The following SNX29 variants were observed in gnomAD, a reference collection of about 807,000 sequenced individuals.
SNX29 encodes sorting nexin 29.
In SNX29, 78 loss-of-function variants were observed where a neutral mutation model predicts 102.1. That is an observed-to-expected ratio of 0.76 (90% confidence interval 0.64 to 0.92). The LOEUF is 0.92. SNX29 is among the 40% of genes least tolerant of loss of function. The probability of loss-of-function intolerance (pLI) is 0.00; values close to 1 mark genes in which losing one functional copy is unlikely to be tolerated. For synonymous variants in SNX29, 580 were observed against 414.5 expected (o/e 1.40, Z -4.85); for missense variants, 1,280 against 1,061.7 (o/e 1.21, Z -2.86).
intron 15 of SNX29, among the ~76,000 whole-genome samples, chr16:12,317,117 A>G (rs1422146890): frequency 6.6e-6 from 1 of 152,122 alleles, no homozygotes; most frequent in African/African-American, 2.4e-5. Flanking sequence ...TTCTCTTTCC[A>G]CTTTCCTATT....
Position 12,048,378 on chromosome 16 carries a change from A to C in SNX29, c.506A>C (p.Asn169Thr), listed in dbSNP as rs200133053. 13 of 1,613,370 alleles carry C rather than the reference A, an allele frequency of 8.1e-6. No homozygotes were observed. The highest frequency in any genetic ancestry group is 1.3e-5 in the African/African-American group (1 of 74,718). Residue 169 changes from asparagine to threonine, a missense_variant, in exon 7 of 21, where the codon AAC becomes ACC. Coordinates refer to ENST00000566228, the MANE Select transcript of SNX29 (RefSeq NM_032167.5). ...SMLPTMAAGL[N>T]SILFAINIDN... Reference sequence around the variant, plus strand: ...TTTCCCTTTTTTTGGGCAGGTCTGAACTCCATACTCTTTGCGATTAACATC... The same window carrying C: ...TTTCCCTTTTTTTGGGCAGGTCTGACCTCCATACTCTTTGCGATTAACATC...
chr16:12,480,645 C>T (rs1192892663), intron 19 of SNX29, among the ~76,000 whole-genome samples: 1 of 152,214 alleles, frequency 6.6e-6, no homozygotes, highest in African/African-American at 2.4e-5. Flanking sequence ...GCTTTCTCTG[C>T]AGCCTCAAAC....
intron 16 of SNX29, among the ~76,000 whole-genome samples, chr16:12,385,655 C>G (rs2083315254): frequency 6.6e-6 from 1 of 152,188 alleles, no homozygotes; most frequent in African/African-American, 2.4e-5. Context: ...CAAACCTTCC[C>G]AAATAAACAT....
intron 11 of SNX29, among the ~76,000 whole-genome samples, chr16:12,113,985 TG>T (rs1375543162): frequency 1.3e-5 from 2 of 152,216 alleles, no homozygotes; most frequent in Non-Finnish European, 2.9e-5. Context: ...AAAGTGGGTT[TG>T]AAATGCCATG....
At chr16:12,278,409 A>G (rs1314654547) in intron 15 of SNX29, among the ~76,000 whole-genome samples, 2 of 152,212 alleles carry the variant, frequency 1.3e-5, no homozygotes, top group East Asian at 1.9e-4. Flanking sequence ...AAAAACATTC[A>G]TTATCAGAAT....
chr16:12,463,373 A>T (rs141124314), intron 18 of SNX29, among the ~76,000 whole-genome samples: 7 of 152,232 alleles, frequency 4.6e-5, no homozygotes, highest in East Asian at 1.9e-4. Context: ...CTTTAATTGG[A>T]CTCACAGTTC....
Position 12,048,631 on chromosome 16 carries a change from A to G in SNX29, c.748+11A>G, listed in dbSNP as rs1443659350. On this transcript the variant is annotated intron_variant, in intron 7 of 20. Coordinates refer to ENST00000566228, the MANE Select transcript of SNX29 (RefSeq NM_032167.5). ...GGAATGTCAGTGCTGGTGAGTGGGA[A>G]CGGGTGCTCGAGGCGGAGCAGAGGG... 2.5e-6 allele frequency: 4 copies of G among 1,613,906 alleles called. No homozygotes were observed. Among genetic ancestry groups the G allele is most frequent in the Non-Finnish European group, 3.4e-6 (4 of 1,179,846 alleles).
At chr16:12,531,081 T>A (rs2076919618) in intron 20 of SNX29, among the ~76,000 whole-genome samples, 1 of 152,216 alleles carries the variant, frequency 6.6e-6, no homozygotes, top group African/African-American at 2.4e-5. Flanking sequence ...AGAGGGTATG[T>A]GCATTTTAAA....
chr16:12,545,027 G>C (rs1024823910), intron 20 of SNX29, among the ~76,000 whole-genome samples: 2 of 152,182 alleles, frequency 1.3e-5, no homozygotes, highest in Non-Finnish European at 2.9e-5. Context: ...GTCGGCTTCA[G>C]TAGCCAGGTC....
At chr16:12,368,206 T>C (rs755782551) in intron 16 of SNX29, among the ~76,000 whole-genome samples, 2 of 152,180 alleles carry the variant, frequency 1.3e-5, no homozygotes, top group Non-Finnish European at 2.9e-5. Context: ...ACTCTAGGGT[T>C]TGAGTGGAGG....
chr16:12,565,691 G>A (rs1409567597), intron 20 of SNX29, among the ~76,000 whole-genome samples: 1 of 151,900 alleles, frequency 6.6e-6, no homozygotes, highest in Non-Finnish European at 1.5e-5. Context: ...CTGCCTTCCA[G>A]GAAGGGGAAG....
chr16:12,225,643 A>C (rs1340229598), intron 14 of SNX29, among the ~76,000 whole-genome samples: 3 of 152,210 alleles, frequency 2.0e-5, no homozygotes, highest in Admixed American at 2.0e-4. Context: ...AAAACGGACT[A>C]ATACAGCATC....
intron 8 of SNX29, among the ~76,000 whole-genome samples, chr16:12,059,881 C>T (rs1235218939): frequency 6.6e-6 from 1 of 152,134 alleles, no homozygotes; most frequent in Non-Finnish European, 1.5e-5. Flanking sequence ...GGCTCCAGTC[C>T]CACAGCCTTG....
At chr16:12,181,437 TTC>T (rs2076382765) in intron 13 of SNX29, among the ~76,000 whole-genome samples, 1 of 152,170 alleles carries the variant, frequency 6.6e-6, no homozygotes. Context: ...AATAGTTGCA[TTC>T]TTTTGAGTTT....
At chr16:12,109,861 T>G (rs1293007352) in intron 11 of SNX29, among the ~76,000 whole-genome samples, 5 of 151,952 alleles carry the variant, frequency 3.3e-5, no homozygotes, top group Non-Finnish European at 5.9e-5. Context: ...CTCCCAAGTA[T>G]CTGGGATTAC....
intron 20 of SNX29, among the ~76,000 whole-genome samples, chr16:12,543,548 C>T (rs566309175): frequency 1.8e-4 from 28 of 152,316 alleles, no homozygotes; most frequent in African/African-American, 4.1e-4. Context: ...CAGACTTCCA[C>T]GCCCACTGAG....
At chr16:12,250,938 C>T (rs187954189) in intron 14 of SNX29, among the ~76,000 whole-genome samples, 10 of 152,328 alleles carry the variant, frequency 6.6e-5, no homozygotes, top group African/African-American at 1.4e-4. Context: ...TCCTGCAGGC[C>T]GCGAGGTACT....
chr16:12,508,441 G>C (rs1163629428), intron 19 of SNX29, among the ~76,000 whole-genome samples: 1 of 152,160 alleles, frequency 6.6e-6, no homozygotes, highest in African/African-American at 2.4e-5. Flanking sequence ...TCTTTTTTCT[G>C]TTGCTTCTGG....
At chr16:12,476,961 T>C (rs1236669468) in intron 18 of SNX29, among the ~76,000 whole-genome samples, 2 of 152,154 alleles carry the variant, frequency 1.3e-5, no homozygotes, top group African/African-American at 4.8e-5. Context: ...CTCTGGGCTG[T>C]TCTTAACTCA....
Sources: gnomAD v4.1 joint callset for allele counts (sites outside exome capture counted in the v4.1 genomes callset) on GRCh38, gnomAD v4.1.1 for gene constraint, MANE v1.5 for transcripts, NCBI Gene and HGNC (gene_info 2026-07-23, HGNC 2026-07-21) for gene names.